The following HS6ST3 variants were observed in gnomAD, a reference collection of about 807,000 sequenced individuals.
The protein encoded by HS6ST3 is heparan-sulfate 6-O-sulfotransferase 3.
A neutral mutation model predicts 36.7 loss-of-function variants in HS6ST3; 12 were observed. The ratio of observed to expected loss-of-function variants is 0.33; its 90% CI spans 0.21 to 0.53. HS6ST3 has a LOEUF of 0.53. Ranked by LOEUF, HS6ST3 falls within the 20% of genes least tolerant of loss-of-function variation. The pLI is 0.95. For missense variants in HS6ST3, 584 were observed against 640.9 expected, an observed-to-expected ratio of 0.91 and a Z score of 0.96; for synonymous variants, 240 against 257.5, an observed-to-expected ratio of 0.93 and a Z score of 0.65.
chr13:96,601,228 A>G (rs1429327703), intron 1 of HS6ST3, among the ~76,000 whole-genome samples: 1 of 152,166 alleles, frequency 6.6e-6, no homozygotes, highest in Non-Finnish European at 1.5e-5. Context: ...AAGCCCAAGA[A>G]AGTTTTCCTC....
chr13:96,617,607 AC>A (rs2056479094), intron 1 of HS6ST3, among the ~76,000 whole-genome samples: 1 of 152,240 alleles, frequency 6.6e-6, no homozygotes, highest in Non-Finnish European at 1.5e-5. Flanking sequence ...GTAAAAGGAA[AC>A]CTGAAATATA....
intron 1 of HS6ST3, among the ~76,000 whole-genome samples, chr13:96,349,515 CA>C (rs1399661291): frequency 6.6e-6 from 1 of 152,042 alleles, no homozygotes; most frequent in Non-Finnish European, 1.5e-5. Context: ...AGGAAACATC[CA>C]GGGATATAAT....
intron 1 of HS6ST3, among the ~76,000 whole-genome samples, chr13:96,420,106 C>T (rs895523685): frequency 3.3e-5 from 5 of 152,140 alleles, no homozygotes; most frequent in African/African-American, 1.2e-4. Flanking sequence ...CTTCCTGCTG[C>T]AGGTTTTCCT....
At chr13:96,828,500 T>G (rs1330272616) in intron 1 of HS6ST3, among the ~76,000 whole-genome samples, 1 of 152,210 alleles carries the variant, frequency 6.6e-6, no homozygotes, top group Non-Finnish European at 1.5e-5. Flanking sequence ...GTTTTCTTTC[T>G]TATAATATAG....
chr13:96,693,911 A>G (rs953781153), intron 1 of HS6ST3, among the ~76,000 whole-genome samples: 1 of 152,190 alleles, frequency 6.6e-6, no homozygotes, highest in African/African-American at 2.4e-5. Context: ...GCAATTGTTT[A>G]TAACTTACAG....
chr13:96,114,017 A>T (rs1050764794), intron 1 of HS6ST3, among the ~76,000 whole-genome samples: 5 of 152,146 alleles, frequency 3.3e-5, no homozygotes, highest in Non-Finnish European at 7.4e-5. Context: ...GAAGACACAA[A>T]ATAGTATCTA....
intron 1 of HS6ST3, among the ~76,000 whole-genome samples, chr13:96,346,159 C>G (rs905918795): frequency 6.6e-6 from 1 of 152,156 alleles, no homozygotes; most frequent in Non-Finnish European, 1.5e-5. Context: ...TCAGTACGGT[C>G]CATGGCCCAG....
intron 1 of HS6ST3, among the ~76,000 whole-genome samples, chr13:96,670,452 T>C (rs1160858925): frequency 1.3e-5 from 2 of 152,110 alleles, no homozygotes; most frequent in African/African-American, 4.8e-5. Context: ...AAGAGTAATT[T>C]TTTTTAAAGG....
At chr13:96,227,274 G>A (rs975245851) in intron 1 of HS6ST3, among the ~76,000 whole-genome samples, 48 of 152,272 alleles carry the variant, frequency 3.2e-4, no homozygotes, top group African/African-American at 1.1e-3. Context: ...TGAGAGCCAT[G>A]CTAATCAATT....
intron 1 of HS6ST3, among the ~76,000 whole-genome samples, chr13:96,644,825 A>G (rs924538902): frequency 2.0e-5 from 3 of 151,988 alleles, no homozygotes; most frequent in Admixed American, 2.0e-4. Context: ...ACCATGCTTC[A>G]AAAAAGAAAC....
At chr13:96,439,904 A>C (rs1346251223) in intron 1 of HS6ST3, among the ~76,000 whole-genome samples, 1 of 152,228 alleles carries the variant, frequency 6.6e-6, no homozygotes, top group Admixed American at 6.5e-5. Context: ...GTCACTGGTC[A>C]ATTTTCTCTT....
At chr13:96,769,738 G>C (rs1165555754) in intron 1 of HS6ST3, among the ~76,000 whole-genome samples, 1 of 57,890 alleles carries the variant, frequency 1.7e-5, no homozygotes, top group African/African-American at 3.6e-5. Flanking sequence ...CTAGCTCTGT[G>C]TGTGTGTGTG....
intron 1 of HS6ST3, among the ~76,000 whole-genome samples, chr13:96,209,073 A>G (rs558040649): frequency 6.6e-6 from 1 of 152,336 alleles, no homozygotes; most frequent in East Asian, 1.9e-4. Flanking sequence ...CAGAACTACC[A>G]TAGACTTGTC....
intron 1 of HS6ST3, among the ~76,000 whole-genome samples, chr13:96,400,851 C>A (rs1303256727): frequency 6.6e-6 from 1 of 152,062 alleles, no homozygotes; most frequent in Non-Finnish European, 1.5e-5. Flanking sequence ...GATTTCCGGG[C>A]GTTTTCTTTT....
chr13:96,674,905 C>T (rs150932499), intron 1 of HS6ST3, among the ~76,000 whole-genome samples: 124 of 152,188 alleles, frequency 8.1e-4, no homozygotes, highest in Non-Finnish European at 1.4e-3. Context: ...GAGTTTATGC[C>T]CTTTTCATCC....
In HS6ST3 at chr13:96,661,517, C is replaced by A. The variant is rs113232048; in HGVS notation, c.708-170973C>A. ...ACCCATTAGGTGGGTTTCTTGAAGG[C>A]AGTATATGGGTGAATCTCAGTTTTT... is the stretch of plus-strand genomic sequence containing the variant. On this transcript the variant is annotated intron_variant, in intron 1 of 1. Transcript: ENST00000376705. Among the ~76,000 whole-genome samples, 72 of 152,134 alleles carry A rather than the reference C, an allele frequency of 4.7e-4. 1 individual carries two copies. The highest frequency in any genetic ancestry group is 1.7e-3 in the African/African-American group (69 of 41,514).
intron 1 of HS6ST3, among the ~76,000 whole-genome samples, chr13:96,355,401 A>G (rs1261078605): frequency 7.0e-6 from 1 of 142,576 alleles, no homozygotes; most frequent in Non-Finnish European, 1.5e-5. Flanking sequence ...ACACACACAC[A>G]CAAACACACA....
chr13:96,355,894 T>C (rs1647596207), intron 1 of HS6ST3, among the ~76,000 whole-genome samples: 1 of 27,726 alleles, frequency 3.6e-5, no homozygotes, highest in South Asian at 1.2e-3. Context: ...CACTGCTACT[T>C]CATAACTAAG....
At chr13:96,434,373 A>G (rs181101464) in intron 1 of HS6ST3, among the ~76,000 whole-genome samples, 3 of 152,206 alleles carry the variant, frequency 2.0e-5, no homozygotes, top group South Asian at 2.1e-4. Context: ...CTGTTCATCA[A>G]TGCTAATTAT....
Sources: gnomAD v4.1 joint callset for allele counts (sites outside exome capture counted in the v4.1 genomes callset) on GRCh38, gnomAD v4.1.1 for gene constraint, MANE v1.5 for transcripts, NCBI Gene and HGNC (gene_info 2026-07-23, HGNC 2026-07-21) for gene names.